The following ZNF654 variants were observed in gnomAD, a reference collection of about 807,000 sequenced individuals.
The protein encoded by ZNF654 is melanoma-associated antigen.
A neutral mutation model predicts 95.3 loss-of-function variants in ZNF654; 19 were observed. The ratio of observed to expected loss-of-function variants is 0.20; its 90% CI spans 0.14 to 0.29. The LOEUF is 0.29. Among genes scored for constraint, ZNF654 ranks in the 10% least tolerant of loss-of-function variants. ZNF654 has a pLI of 1.00. For synonymous variants in ZNF654, 413 were observed against 457.9 expected (o/e 0.90, Z 1.25); for missense variants, 1,046 against 1,341.0 (o/e 0.78, Z 3.44).
At chr3:88,121,930 G>A (rs1705793237) in intron 3 of ZNF654, among the ~76,000 whole-genome samples, 2 of 152,120 alleles carry the variant, frequency 1.3e-5, no homozygotes, top group African/African-American at 4.8e-5. Flanking sequence ...ACCCTATTTT[G>A]ATTAAAAAGT....
Position 88,139,378 on chromosome 3 carries a change from G to A in ZNF654, c.1709G>A (p.Gly570Asp). 6.2e-7 allele frequency: 1 copy of A among 1,613,508 alleles called. No homozygotes were observed. The highest frequency in any genetic ancestry group is 8.5e-7 in the Non-Finnish European group (1 of 1,179,718). The change falls in exon 8 of 9, where the codon GGC becomes GAC. Residue 570 changes from glycine (G) to aspartate (D), a missense_variant. Transcript: ENST00000636215. The part of the protein sequence containing the change: ...VRHAQAHQKK[G>D]SFACVICGRK... ...CATGCCCAGGCTCATCAGAAAAAAG[G>A]CAGTTTTGCATGTGTAATATGTGGT...
At position 88,086,378 on chromosome 3, in the gene ZNF654, A is replaced by G; in HGVS notation, c.308A>G (p.Gln103Arg). 6.5e-7 allele frequency: 1 copy of G among 1,533,974 alleles called. No individual in the cohort carries two copies. The highest frequency in any genetic ancestry group is 8.7e-7 in the Non-Finnish European group (1 of 1,145,660). The change falls in exon 2 of 9, where the codon CAA (glutamine) becomes CGA (arginine). Residue 103 changes from glutamine (Q) to arginine (R), a missense_variant. Gln to Arg is a conservative substitution (Grantham distance 43). Transcript: ENST00000636215. ...TTCCCAGATGAATGTGAGCATGTAC[A>G]ATATGTTTTGAGTAGCCTTGCTGTG... ...ASFPDECEHV[Q>R]YVLSSLAVSF...
chr3:88,133,819 T>C (rs1011843336), intron 6 of ZNF654, among the ~76,000 whole-genome samples: 3 of 151,986 alleles, frequency 2.0e-5, no homozygotes, highest in Non-Finnish European at 2.9e-5. Context: ...AAGGGTAACA[T>C]TGAGAAAGAA....
Position 88,059,429 on chromosome 3 carries a change from G to C in ZNF654, c.110G>C (p.Arg37Thr), listed in dbSNP as rs1576165955. 1.3e-6 allele frequency: 2 copies of C among 1,524,056 alleles called. No individual in the cohort carries two copies. The highest frequency in any genetic ancestry group is 2.8e-5 in the African/African-American group (2 of 71,864). 94.4% of individuals were successfully genotyped at this position (1,524,056 alleles called of 1,614,324 possible). A position where few individuals can be genotyped will look rare whatever the true frequency, so the allele number is the denominator to read the frequency against. ...GGGCTTAGAGCTGCGGGCGACGGCA[G>C]AGGCGGCGCTGGCAGCGGCAACTGC... ...PVGLRAAGDGRGGAGSGNCGG... is the reference protein window; with the variant it reads ...PVGLRAAGDGTGGAGSGNCGG... Residue 37 changes from arginine to threonine, a missense_variant, in exon 1 of 9, where the codon AGA (arginine) becomes ACA (threonine). This residue lies in a region of ZNF654 where 89 missense variants were observed against 77.9 expected (regional missense o/e 1.14). Coordinates refer to ENST00000636215, the MANE Select transcript of ZNF654 (RefSeq NM_001350134.2).
At chr3:88,089,075 A>C (rs2107672121) in intron 2 of ZNF654, among the ~76,000 whole-genome samples, 1 of 151,854 alleles carries the variant, frequency 6.6e-6, no homozygotes, top group South Asian at 2.1e-4. Flanking sequence ...GCCTGACCTA[A>C]AAAAAACTGT....
intron 2 of ZNF654, among the ~76,000 whole-genome samples, chr3:88,112,049 A>AT (rs1705123597): frequency 6.6e-6 from 1 of 151,684 alleles, no homozygotes; most frequent in African/African-American, 2.4e-5. Flanking sequence ...ATCAAAGAAT[A>AT]TTTTTCAGTG....
chr3:88,136,320 C>G (rs961227014), intron 7 of ZNF654, among the ~76,000 whole-genome samples: 8 of 151,942 alleles, frequency 5.3e-5, no homozygotes, highest in Admixed American at 4.6e-4. Context: ...GGTAAACCTG[C>G]AAATATATTA....
At chr3:88,096,356 C>T (rs1704058386) in intron 2 of ZNF654, among the ~76,000 whole-genome samples, 2 of 151,978 alleles carry the variant, frequency 1.3e-5, no homozygotes. Flanking sequence ...GAGGAAGCAG[C>T]ACCGATTTGT....
intron 2 of ZNF654, among the ~76,000 whole-genome samples, chr3:88,112,280 CA>C (rs995688762): frequency 2.8e-5 from 2 of 72,274 alleles, no homozygotes; most frequent in Non-Finnish European, 7.0e-5. Context: ...TGATTAAAAG[CA>C]AAAACTATTA....
chr3:88,085,501 C>G (rs1423893919), intron 1 of ZNF654, among the ~76,000 whole-genome samples: 3 of 152,178 alleles, frequency 2.0e-5, no homozygotes, highest in Non-Finnish European at 2.9e-5. Context: ...CAGGACAAAT[C>G]AGGCAGGCAG....
chr3:88,135,927 T>C (rs1324827506), intron 7 of ZNF654, among the ~76,000 whole-genome samples: 1 of 152,124 alleles, frequency 6.6e-6, no homozygotes, highest in Non-Finnish European at 1.5e-5. Context: ...AATAATACAT[T>C]TTAATTTTTT....
chr3:88,096,322 C>A (rs1486524599), intron 2 of ZNF654, among the ~76,000 whole-genome samples: 1 of 151,926 alleles, frequency 6.6e-6, no homozygotes, highest in Non-Finnish European at 1.5e-5. Flanking sequence ...TTACTAGAGC[C>A]CACAGACAAG....
chr3:88,116,050 C>T (rs1175512818), intron 3 of ZNF654, among the ~76,000 whole-genome samples: 1 of 151,998 alleles, frequency 6.6e-6, no homozygotes, highest in Non-Finnish European at 1.5e-5. Context: ...CACTGGTATC[C>T]AGTCATGTCC....
chr3:88,118,860 G>T (rs142855922), intron 3 of ZNF654, among the ~76,000 whole-genome samples: 17 of 151,818 alleles, frequency 1.1e-4, no homozygotes, highest in African/African-American at 2.9e-4. Context: ...AGTTAGAATG[G>T]CAATCATTAA....
chr3:88,117,041 A>G (rs1426166969), intron 3 of ZNF654, among the ~76,000 whole-genome samples: 2 of 152,162 alleles, frequency 1.3e-5, no homozygotes, highest in Admixed American at 6.5e-5. Context: ...TGAGTTTATA[A>G]TATCTTCCAT....
In ZNF654 at chr3:88,101,780, C is replaced by T. The variant is rs545700967; in HGVS notation, c.333-11335C>T. ...GTGACTGTACGATTAAAATTCTAAC[C>T]AATTTCTTATGGGGGTAGCAGTTTC... On this transcript the variant is annotated intron_variant, in intron 2 of 8. Coordinates refer to ENST00000636215, the MANE Select transcript of ZNF654 (RefSeq NM_001350134.2). Among the ~76,000 whole-genome samples the T allele has an allele frequency of 1.1e-4, 16 of 152,156 alleles. No individual in the cohort carries two copies. In the South Asian group the frequency reaches 2.7e-3, roughly 26 times the overall value.
chr3:88,130,894 A>T (rs1165411347), intron 6 of ZNF654, among the ~76,000 whole-genome samples: 1 of 152,130 alleles, frequency 6.6e-6, no homozygotes, highest in Non-Finnish European at 1.5e-5. Flanking sequence ...GATTATGCTA[A>T]TTTTTATTTA....
intron 1 of ZNF654, among the ~76,000 whole-genome samples, chr3:88,061,960 A>G (rs1382083201): frequency 6.6e-6 from 1 of 152,178 alleles, no homozygotes; most frequent in East Asian, 1.9e-4. Flanking sequence ...GGAAATATGA[A>G]TCAAAATTTC....
intron 2 of ZNF654, among the ~76,000 whole-genome samples, chr3:88,103,486 A>T (rs929332569): frequency 6.6e-6 from 1 of 152,198 alleles, no homozygotes. Flanking sequence ...AATTTAGGAA[A>T]ATCTAAAACT....
Sources: allele counts gnomAD v4.1 joint callset (sites outside exome capture counted in the v4.1 genomes callset), GRCh38; gene constraint gnomAD v4.1.1; regional missense constraint gnomAD v4.1.1; transcripts MANE v1.5; gene names NCBI Gene and HGNC (gene_info 2026-07-23, HGNC 2026-07-21).